Variants in OR4K1 observed in about 807,000 individuals in gnomAD.
OR4K1 encodes the protein olfactory receptor family 4 subfamily K member 1.
OR4K1 carries 16 observed loss-of-function variants against 14.4 expected under a neutral mutation model. The observed-to-expected ratio is 1.11, with a 90% CI of 0.75 to 1.68. OR4K1 has a LOEUF of 1.68. OR4K1 is among the 40% of genes most tolerant of loss of function. The pLI is 0.00. For synonymous variants in OR4K1, 181 were observed against 133.1 expected (o/e 1.36, Z -2.48); for missense variants, 548 against 376.9 (o/e 1.45, Z -3.76).
upstream of OR4K1, among the ~76,000 whole-genome samples, chr14:19,929,948 C>T (rs1882149821): frequency 6.6e-6 from 1 of 152,210 alleles, no homozygotes; most frequent in Non-Finnish European, 1.5e-5. Context: ...AACTTTAATT[C>T]ATAAGTGTGT....
Position 19,935,953 on chromosome 14 carries a change from G to T in OR4K1, c.287G>T (p.Gly96Val), listed in dbSNP as rs555426533. 1.2e-6 allele frequency: 2 copies of T among 1,614,110 alleles called. No homozygotes were observed. Among genetic ancestry groups the T allele is most frequent in the African/African-American group, 1.3e-5 (1 of 74,948 alleles). The change falls in exon 2 of 2, where the codon GGT becomes GTT. Residue 96 changes from glycine (G) to valine (V), a missense_variant. Coordinates refer to ENST00000641172, the MANE Select transcript of OR4K1 (RefSeq NM_001004063.3). ...GAGCGCAAGACTATCTCCTTTGAGG[G>T]TTGCATGGCCCAGATATTCGTTCTT... is the stretch of plus-strand genomic sequence containing the variant. ...FIERKTISFE[G>V]CMAQIFVLHS...
the OR4K1 span, chr14:19,920,496 A>AT: frequency 7.3e-7 from 1 of 1,368,442 alleles, no homozygotes; most frequent in East Asian, 2.3e-5. Flanking sequence ...TGCACATTAT[A>AT]TCTGAGATCT....
At chr14:19,927,512 G>A (rs867744718), upstream of OR4K1, among the ~76,000 whole-genome samples, 9 of 152,244 alleles carry the variant, frequency 5.9e-5, no homozygotes, top group Non-Finnish European at 8.8e-5. Context: ...ACGTATGTGA[G>A]TGGGCTCTAA....
chr14:19,921,223 T>C, the OR4K1 span: 1 of 1,614,214 alleles, frequency 6.2e-7, no homozygotes, highest in East Asian at 2.2e-5. Flanking sequence ...AGTGGAATTC[T>C]TTCCCTAAGC....
At chr14:19,923,845 T>G in the OR4K1 span, among the ~76,000 whole-genome samples, 1 of 152,250 alleles carries the variant, frequency 6.6e-6, no homozygotes, top group Non-Finnish European at 1.5e-5. Context: ...TTATTCTCCT[T>G]GTAGTAGCTA....
At chr14:19,927,181 A>G (rs914761355), upstream of OR4K1, among the ~76,000 whole-genome samples, 1 of 152,232 alleles carries the variant, frequency 6.6e-6, no homozygotes, top group African/African-American at 2.4e-5. Context: ...ATATTTTCTT[A>G]AGCTCAATAT....
chr14:19,924,925 T>C, the OR4K1 span, among the ~76,000 whole-genome samples: 1 of 152,332 alleles, frequency 6.6e-6, no homozygotes, highest in South Asian at 2.1e-4. Context: ...TTATGTACTG[T>C]AGAATCCCAC....
At chr14:19,921,705 C>A in the OR4K1 span, 2 of 1,042,018 alleles carry the variant, frequency 1.9e-6, no homozygotes, top group Non-Finnish European at 2.7e-6. Flanking sequence ...TGAATATTAA[C>A]AAGTCTTTTT....
At chr14:19,927,640 A>G (rs1399668673), upstream of OR4K1, among the ~76,000 whole-genome samples, 7 of 152,226 alleles carry the variant, frequency 4.6e-5, no homozygotes, top group Non-Finnish European at 4.4e-5. Flanking sequence ...GTCTGTTGGC[A>G]GAAGGGAGTC....
At chr14:19,923,823 TAG>T in the OR4K1 span, among the ~76,000 whole-genome samples, 4 of 152,238 alleles carry the variant, frequency 2.6e-5, no homozygotes, top group Non-Finnish European at 5.9e-5. Context: ...GGTATTTTTT[TAG>T]AGTTACTTTT....
At chr14:19,931,466 T>G (rs1882183086) in intron 1 of OR4K1, 1 of 152,422 alleles carries the variant, frequency 6.6e-6, no homozygotes, top group Non-Finnish European at 1.5e-5. Context: ...CTGTAGCCAT[T>G]AGTTTAACAA....
chr14:19,936,093 A>G lies in OR4K1; in HGVS notation c.427A>G (p.Ile143Val). Residue 143 changes from isoleucine (I) to valine (V), a missense_variant, in exon 2 of 2, where the codon ATT becomes GTT. By Grantham distance (29) the Ile-to-Val change is conservative. Transcript: ENST00000641172. Reference sequence around the variant, plus strand: ...AATTATGAACCGGAGGCTCTGTGTAATTTTTGTGTCTATTTCCTGGGCGGT... The same window carrying G: ...AATTATGAACCGGAGGCTCTGTGTAGTTTTTGTGTCTATTTCCTGGGCGGT... ...STIMNRRLCV[I>V]FVSISWAVGV... 6.2e-7 allele frequency: 1 copy of G among 1,614,214 alleles called. No homozygotes were observed. The highest frequency in any genetic ancestry group is 1.7e-5 in the Admixed American group (1 of 60,020).
In OR4K1 at chr14:19,936,394, A is replaced by C; in HGVS notation, c.728A>C (p.His243Pro). ...AAGGCTCTTTCTACATTAACTGCCCACATCACAGTGGTCATTCTTTTCTTC... is the reference window on the plus strand; with the variant it reads ...AAGGCTCTTTCTACATTAACTGCCCCCATCACAGTGGTCATTCTTTTCTTC... ...SSKALSTLTA[H>P]ITVVILFFGP... Residue 243 changes from histidine (H) to proline (P), a missense_variant, in exon 2 of 2, where the codon CAC (histidine) becomes CCC (proline). Transcript: ENST00000641172. 1 of 1,614,230 alleles carries C rather than the reference A, an allele frequency of 6.2e-7. No homozygotes were observed. Among genetic ancestry groups the C allele is most frequent in the Admixed American group, 1.7e-5 (1 of 60,024 alleles).
At position 19,935,726 on chromosome 14, in the gene OR4K1, C is replaced by A; in HGVS notation, c.60C>A (p.Ser20=). The change falls in exon 2 of 2, where the codon TCC becomes TCA. Residue 20 remains serine, a synonymous_variant. Transcript: ENST00000641172. ...SEFVLLGLSN[S]WGLQLFFFAI... ...TTGTACTTTTGGGACTCTCTAATTC[C>A]TGGGGACTTCAACTTTTCTTTTTTG... 2 of 1,613,862 alleles carry A rather than the reference C, an allele frequency of 1.2e-6. No individual in the cohort carries two copies. The highest frequency in any genetic ancestry group is 1.7e-6 in the Non-Finnish European group (2 of 1,179,964).
At chr14:19,923,998 T>C in the OR4K1 span, among the ~76,000 whole-genome samples, 1 of 152,202 alleles carries the variant, frequency 6.6e-6, no homozygotes, top group Non-Finnish European at 1.5e-5. Flanking sequence ...AAGCATCTCA[T>C]CAAATATGTT....
At chr14:19,929,788 G>A (rs988348349), upstream of OR4K1, among the ~76,000 whole-genome samples, 1 of 152,260 alleles carries the variant, frequency 6.6e-6, no homozygotes, top group African/African-American at 2.4e-5. Flanking sequence ...GTTGACACTG[G>A]GTCTTCCCTG....
rs773269514 is a variant in OR4K1, at chr14:19,936,191, T to G, written c.525T>G (p.Asp175Glu). The change falls in exon 2 of 2, where the codon GAT becomes GAG. Residue 175 changes from aspartate (D) to glutamate (E), a missense_variant. By Grantham distance (45) the Asp-to-Glu change is conservative. Coordinates refer to ENST00000641172, the MANE Select transcript of OR4K1 (RefSeq NM_001004063.3). ...CATTCTGTGGTCCCAATGAGGTGGA[T>G]AGCTTCTTTTGTGACCTTCCCTTGG... ...DLPFCGPNEVDSFFCDLPLVI... is the reference protein window; with the variant it reads ...DLPFCGPNEVESFFCDLPLVI... The G allele has an allele frequency of 1.4e-5, 23 of 1,614,250 alleles. No individual in the cohort carries two copies. The highest frequency in any genetic ancestry group is 1.6e-4 in the Middle Eastern group (1 of 6,062).
chr14:19,936,526 A>T lies in OR4K1; in HGVS notation c.860A>T (p.Tyr287Phe), dbSNP rs1051073684. The T allele has an allele frequency of 6.4e-5, 103 of 1,612,950 alleles. No individual in the cohort carries two copies. In the South Asian group the frequency reaches 1.1e-3, roughly 17 times the overall value. Residue 287 changes from tyrosine to phenylalanine, a missense_variant, in exon 2 of 2, where the codon TAC becomes TTC. Transcript: ENST00000641172. ...VCTPLLNPIIYSLRNEDVKAA... is the reference protein window; with the variant it reads ...VCTPLLNPIIFSLRNEDVKAA... ...ACTCCCTTGTTGAACCCCATCATCT[A>T]CTCTCTGAGGAATGAAGATGTTAAA...
chr14:19,922,655 CTTT>C, the OR4K1 span, among the ~76,000 whole-genome samples: 1 of 147,038 alleles, frequency 6.8e-6, no homozygotes, highest in African/African-American at 2.5e-5. Context: ...TACATGTACT[CTTT>C]TTTTTTTTAC....
Sources: allele counts gnomAD v4.1 joint callset (sites outside exome capture counted in the v4.1 genomes callset), GRCh38; gene constraint gnomAD v4.1.1; transcripts MANE v1.5; gene names NCBI Gene and HGNC (gene_info 2026-07-23, HGNC 2026-07-21).